Variants in SDK1 observed in about 807,000 individuals in gnomAD.
The protein encoded by SDK1 is protein sidekick-1.
Under a neutral mutation model 245.5 loss-of-function variants are expected in SDK1, and 157 were observed. The observed-to-expected ratio is 0.64, with a 90% CI of 0.56 to 0.73. SDK1 has a LOEUF of 0.73. SDK1 is among the 30% of genes least tolerant of loss of function. SDK1 has a pLI of 0.00. For missense variants in SDK1, 3,583 were observed against 3,002.3 expected (o/e 1.19, Z -4.52); for synonymous variants, 1,647 against 1,278.5 (o/e 1.29, Z -6.15).
intron 18 of SDK1, among the ~76,000 whole-genome samples, chr7:4,050,130 C>T (rs922572921): frequency 8.5e-5 from 13 of 152,192 alleles, no homozygotes; most frequent in South Asian, 4.1e-4. Context: ...GTCCACTAAT[C>T]GTCTTTAATA....
At chr7:3,514,485 C>T (rs916169116) in intron 1 of SDK1, among the ~76,000 whole-genome samples, 2 of 151,992 alleles carry the variant, frequency 1.3e-5, no homozygotes, top group Non-Finnish European at 2.9e-5. Context: ...GTAGATAGTC[C>T]AGGGTTGGTT....
At chr7:3,924,358 C>G (rs1779696969) in intron 5 of SDK1, among the ~76,000 whole-genome samples, 1 of 152,100 alleles carries the variant, frequency 6.6e-6, no homozygotes, top group African/African-American at 2.4e-5. Flanking sequence ...TGGAAGACAT[C>G]AAATTGTGTT....
At chr7:4,098,975 A>T (rs1357927720) in intron 22 of SDK1, among the ~76,000 whole-genome samples, 1 of 151,772 alleles carries the variant, frequency 6.6e-6, no homozygotes, top group East Asian at 1.9e-4. Flanking sequence ...GCCCGGCCAC[A>T]AATGTAGTCT....
At chr7:3,672,353 G>C (rs1038507171) in intron 4 of SDK1, among the ~76,000 whole-genome samples, 2 of 151,824 alleles carry the variant, frequency 1.3e-5, no homozygotes, top group Non-Finnish European at 2.9e-5. Flanking sequence ...AGTTCTTGAA[G>C]TGTCTCTCTG....
chr7:4,264,404 G>A (rs1370663131), intron 44 of SDK1, among the ~76,000 whole-genome samples: 3 of 137,496 alleles, frequency 2.2e-5, no homozygotes, highest in Non-Finnish European at 3.3e-5. Flanking sequence ...CCTCTCCTGG[G>A]GTAAGGAAGG....
At chr7:3,682,342 T>C (rs1012509461) in intron 4 of SDK1, among the ~76,000 whole-genome samples, 18 of 152,330 alleles carry the variant, frequency 1.2e-4, no homozygotes, top group African/African-American at 3.6e-4. Context: ...CAGTTGCTTC[T>C]TATTGAGGAA....
At chr7:3,588,660 G>T (rs1180609633) in intron 1 of SDK1, among the ~76,000 whole-genome samples, 1 of 152,162 alleles carries the variant, frequency 6.6e-6, no homozygotes, top group African/African-American at 2.4e-5. Flanking sequence ...GACCTTTTGG[G>T]CACCTCACTG....
At chr7:4,057,571 GC>G (rs1391773172) in intron 19 of SDK1, among the ~76,000 whole-genome samples, 1 of 151,696 alleles carries the variant, frequency 6.6e-6, no homozygotes, top group Non-Finnish European at 1.5e-5. Flanking sequence ...CACCTGCTTG[GC>G]CCCCTGCAGC....
intron 1 of SDK1, among the ~76,000 whole-genome samples, chr7:3,606,856 C>A (rs1390480182): frequency 6.6e-6 from 1 of 151,476 alleles, no homozygotes; most frequent in Non-Finnish European, 1.5e-5. Flanking sequence ...AAAAAAAAAT[C>A]TGTGAAATCA....
chr7:4,090,725 G>C (rs931249660), intron 22 of SDK1, among the ~76,000 whole-genome samples: 1 of 152,154 alleles, frequency 6.6e-6, no homozygotes, highest in African/African-American at 2.4e-5. Flanking sequence ...TAGAAACCAA[G>C]ATCCAGGCAG....
chr7:3,620,146 G>A (rs1371568115), intron 2 of SDK1, among the ~76,000 whole-genome samples: 1 of 152,100 alleles, frequency 6.6e-6, no homozygotes, highest in Non-Finnish European at 1.5e-5. Flanking sequence ...CTCAAATGGG[G>A]AATAGCCCAC....
chr7:3,899,770 G>C (rs574781339), intron 5 of SDK1, among the ~76,000 whole-genome samples: 13 of 152,326 alleles, frequency 8.5e-5, no homozygotes, highest in Non-Finnish European at 1.6e-4. Flanking sequence ...CCCACCCTCA[G>C]ATATCTCCAC....
At chr7:3,756,305 C>G (rs900149294) in intron 4 of SDK1, among the ~76,000 whole-genome samples, 14 of 151,058 alleles carry the variant, frequency 9.3e-5, no homozygotes, top group African/African-American at 2.4e-4. Context: ...TTGACCCTGA[C>G]TCCTTTCACA....
chr7:3,507,903 A>C (rs1357489440), intron 1 of SDK1, among the ~76,000 whole-genome samples: 2 of 152,142 alleles, frequency 1.3e-5, no homozygotes, highest in Non-Finnish European at 2.9e-5. Flanking sequence ...AGTGTTATTG[A>C]TGACTCCCCT....
At position 4,266,065 on chromosome 7, in the gene SDK1, C is replaced by T. The variant is rs1410012648; in HGVS notation, c.*681C>T. On this transcript the variant is annotated 3_prime_UTR_variant, in exon 45 of 45. Coordinates refer to ENST00000404826, the MANE Select transcript of SDK1 (RefSeq NM_152744.4). Reference sequence around the variant, plus strand: ...TGGTGCGGTCCTCAGGCTTTTCTGCCTGTCTTTCCCCCTTCCTTCTCACCT... The same window carrying T: ...TGGTGCGGTCCTCAGGCTTTTCTGCTTGTCTTTCCCCCTTCCTTCTCACCT... The T allele has an allele frequency of 2.8e-5, 28 of 985,378 alleles. No homozygotes were observed. The highest frequency in any genetic ancestry group is 3.4e-5 in the Non-Finnish European group (28 of 829,974). The allele number at this position is 985,378 out of a possible 1,614,324, so 61.0% of individuals were successfully genotyped here.
chr7:4,172,449 G>T (rs1439056530), intron 32 of SDK1, among the ~76,000 whole-genome samples: 2 of 152,156 alleles, frequency 1.3e-5, no homozygotes, highest in Admixed American at 6.5e-5. Flanking sequence ...AAAGAACACC[G>T]CTTCCTCCAC....
At chr7:3,654,415 A>G (rs555843432) in intron 4 of SDK1, among the ~76,000 whole-genome samples, 3 of 152,332 alleles carry the variant, frequency 2.0e-5, no homozygotes, top group African/African-American at 7.2e-5. Flanking sequence ...CTCACCGTGC[A>G]GAGCGAGAGG....
At chr7:3,786,022 G>A (rs189531876) in intron 4 of SDK1, among the ~76,000 whole-genome samples, 461 of 152,322 alleles carry the variant, frequency 3.0e-3, no homozygotes, top group Non-Finnish European at 5.5e-3. Flanking sequence ...AGTTGTGCTC[G>A]TGTAGGTAAC....
At chr7:3,488,079 A>G (rs12700918) in intron 1 of SDK1, among the ~76,000 whole-genome samples, 10,820 of 152,168 alleles carry the variant, frequency 0.071, 493 homozygotes, top group East Asian at 0.21. Context: ...CTCTTGGTCT[A>G]ATTTTTCAGT....
Sources: gnomAD v4.1 joint callset for allele counts (sites outside exome capture counted in the v4.1 genomes callset) on GRCh38, gnomAD v4.1.1 for gene constraint, MANE v1.5 for transcripts, NCBI Gene and HGNC (gene_info 2026-07-23, HGNC 2026-07-21) for gene names.